Variants in KARS1 observed in about 807,000 individuals in gnomAD.
KARS1 encodes the protein lysyl-tRNA synthetase 1, also known as lysine--tRNA ligase.
In KARS1, 50 loss-of-function variants were observed where a neutral mutation model predicts 63.9. The ratio of observed to expected loss-of-function variants is 0.78; its 90% CI spans 0.62 to 0.99. The LOEUF (loss-of-function observed/expected upper bound fraction) is 0.99. KARS1 is among the 50% of genes least tolerant of loss of function. The pLI is 0.00. For synonymous variants in KARS1, 320 were observed against 264.6 expected (o/e 1.21, Z -2.03); for missense variants, 816 against 754.5 (o/e 1.08, Z -0.95).
intron 2 of KARS1, among the ~76,000 whole-genome samples, chr16:75,641,245 T>C (rs538327640): frequency 2.0e-5 from 3 of 152,232 alleles, no homozygotes; most frequent in Non-Finnish European, 2.9e-5. Context: ...TGGTGGACTG[T>C]AGTTGGCCAG....
chr16:75,628,519 C>T, intron 13 of KARS1, 50 bp downstream of exon 13: 2 of 1,608,170 alleles, frequency 1.2e-6, no homozygotes, highest in Non-Finnish European at 1.7e-6. Context: ...CTGGCTCCAA[C>T]ACAATGCAGC....
intron 1 of KARS1, among the ~76,000 whole-genome samples, chr16:75,643,849 G>GT (rs1178470667): frequency 6.6e-6 from 1 of 152,204 alleles, no homozygotes; most frequent in African/African-American, 2.4e-5. Flanking sequence ...AGGCTGTCTA[G>GT]TTCTTCTAGA....
At chr16:75,645,045 T>C (rs1369837165) in intron 1 of KARS1, among the ~76,000 whole-genome samples, 3 of 152,222 alleles carry the variant, frequency 2.0e-5, no homozygotes, top group African/African-American at 4.8e-5. Context: ...GAGATCACCT[T>C]CTTTACCGTG....
At chr16:75,646,726 A>G (rs2082288659) in intron 1 of KARS1, among the ~76,000 whole-genome samples, 2 of 151,078 alleles carry the variant, frequency 1.3e-5, no homozygotes, top group African/African-American at 4.9e-5. Flanking sequence ...AGCACACTGC[A>G]ACCTCCGCCT....
chr16:75,647,598 G>C lies in KARS1; in HGVS notation c.42C>G (p.Ser14Arg). Residue 14 changes from serine (S) to arginine (R), a missense_variant, in exon 1 of 14, where the codon AGC becomes AGG. Coordinates refer to ENST00000302445, the MANE Select transcript of KARS1 (RefSeq NM_005548.3). Reference protein sequence around the residue: ...VQAAEVKVDGSEPKLSKNELK... With the variant: ...VQAAEVKVDGREPKLSKNELK... ...CTCACTTCTTGCTCAGTTTCGGCTC[G>C]CTGCCATCCACTTTCACCTCGGCCG... The C allele has an allele frequency of 6.2e-7, 1 of 1,612,926 alleles. No homozygotes were observed. The highest frequency in any genetic ancestry group is 8.5e-7 in the Non-Finnish European group (1 of 1,179,696).
In KARS1 at chr16:75,640,280, T is replaced by C. The variant is rs1225682325; in HGVS notation, c.292A>G (p.Lys98Glu). The change falls in exon 3 of 14, where the codon AAG (lysine) becomes GAG (glutamate). Residue 98 changes from lysine (K) to glutamate (E), a missense_variant. Coordinates refer to ENST00000302445, the MANE Select transcript of KARS1 (RefSeq NM_005548.3). ...KVNGEDPYPH[K>E]FHVDISLTDF... ...GTGAGTGAGATGTCTACATGGAACT[T>C]GTGTGGGTATGGGTCTTCCCCATTG... is the stretch of plus-strand genomic sequence containing the variant. 1.2e-6 allele frequency: 2 copies of C among 1,613,748 alleles called. No homozygotes were observed. The highest frequency in any genetic ancestry group is 8.5e-7 in the Non-Finnish European group (1 of 1,179,914).
At position 75,634,228 on chromosome 16, in the gene KARS1, T is replaced by A. The variant is rs1239203660; in HGVS notation, c.860A>T (p.His287Leu). ...ATATAAGTTCATGTCCAGCTCGTTG[T>A]GATAAGTGATGAAAGGCTTGGCCAC... ...GAVAKPFITY[H>L]NELDMNLYMR... The change falls in exon 7 of 14, where the codon CAC (histidine) becomes CTC (leucine). Residue 287 changes from histidine to leucine, a missense_variant. His to Leu is a moderately conservative substitution (Grantham distance 99). Transcript: ENST00000302445. 7 of 1,613,970 alleles carry A rather than the reference T, an allele frequency of 4.3e-6. No homozygotes were observed. Among genetic ancestry groups the A allele is most frequent in the Non-Finnish European group, 5.9e-6 (7 of 1,179,924 alleles).
chr16:75,646,539 TA>T (rs781087516), intron 1 of KARS1, among the ~76,000 whole-genome samples: 534 of 136,938 alleles, frequency 3.9e-3, no homozygotes, highest in Middle Eastern at 7.5e-3. Flanking sequence ...GACTCCATCT[TA>T]AAAAAAAAAA....
At chr16:75,641,459 C>A (rs2082222538) in intron 2 of KARS1, 105 bp downstream of exon 2, 3 of 950,726 alleles carry the variant, frequency 3.2e-6, no homozygotes, top group Non-Finnish European at 4.9e-6. Context: ...TGGCAGTGAC[C>A]TCAGGCGTAC....
At chr16:75,634,111 T>A (rs780722583) in intron 7 of KARS1, 62 bp downstream of exon 7, 1 of 1,566,946 alleles carries the variant, frequency 6.4e-7, no homozygotes, top group Admixed American at 1.7e-5. Context: ...TATACCCATC[T>A]AGCCAGTGGT....
chr16:75,641,760 C>T (rs2082227854), intron 1 of KARS1, 37 bp from the exon 2 acceptor site: 1 of 1,607,030 alleles, frequency 6.2e-7, no homozygotes, highest in Admixed American at 1.7e-5. Context: ...GTGTTAGCTG[C>T]CTGAAGAGTC....
In KARS1 at chr16:75,643,379, CTTT is replaced by C. The variant is rs764979861; in HGVS notation, c.63-1659_63-1657del. Among the ~76,000 whole-genome samples, 15 of 140,996 alleles carry C rather than the reference CTTT, an allele frequency of 1.1e-4. 1 individual carries two copies. The highest frequency in any genetic ancestry group is 7.1e-4 in the Admixed American group (10 of 14,140). 92.5% of individuals were successfully genotyped at this position (140,996 alleles called of 152,430 possible). A position where few individuals can be genotyped will look rare whatever the true frequency, so the allele number is the denominator to read the frequency against. ...TGAATTGAGGTTTTGAATCTTTCAC[CTTT>C]TTTTTTTTTTTTTGAGACAGAGTCT... On this transcript the variant is annotated intron_variant, in intron 1 of 13. Coordinates refer to ENST00000302445, the MANE Select transcript of KARS1 (RefSeq NM_005548.3).
chr16:75,637,170 A>G (rs977532846), intron 3 of KARS1, among the ~76,000 whole-genome samples: 3 of 152,170 alleles, frequency 2.0e-5, no homozygotes, highest in African/African-American at 7.2e-5. Context: ...ATAAAAATAG[A>G]AAGCACAGCT....
chr16:75,628,016 T>G, intron 13 of KARS1, 23 bp from the exon 14 acceptor site: 3 of 1,400,782 alleles, frequency 2.1e-6, no homozygotes, highest in Non-Finnish European at 3.0e-6. Context: ...AGAATGTACC[T>G]TGAAGCTGAG....
At chr16:75,643,204 A>G (rs556475801) in intron 1 of KARS1, among the ~76,000 whole-genome samples, 1 of 152,202 alleles carries the variant, frequency 6.6e-6, no homozygotes, top group African/African-American at 2.4e-5. Context: ...TTCAAAGACA[A>G]TTTATGGATC....
At chr16:75,632,869 C>T (rs1051145309) in intron 7 of KARS1, among the ~76,000 whole-genome samples, 1 of 152,296 alleles carries the variant, frequency 6.6e-6, no homozygotes, top group African/African-American at 2.4e-5. Flanking sequence ...CGAAAGGTTA[C>T]GTAGCTTGTA....
At chr16:75,638,251 A>C (rs893275704) in intron 3 of KARS1, among the ~76,000 whole-genome samples, 2 of 151,702 alleles carry the variant, frequency 1.3e-5, no homozygotes, top group Non-Finnish European at 2.9e-5. Context: ...AAGTTCTGGG[A>C]CACATGTGCA....
chr16:75,646,087 A>C (rs770776689), intron 1 of KARS1, among the ~76,000 whole-genome samples: 2 of 152,220 alleles, frequency 1.3e-5, no homozygotes, highest in African/African-American at 2.4e-5. Flanking sequence ...ATTTTCTCTA[A>C]GGTAGCAGTC....
rs768628296 is a variant in KARS1 at position 75,629,533 on chromosome 16, G to A, written c.1433C>T (p.Ser478Phe). 8 of 1,614,092 alleles carry A rather than the reference G, an allele frequency of 5.0e-6. No homozygotes were observed. Among genetic ancestry groups the A allele is most frequent in the Non-Finnish European group, 6.8e-6 (8 of 1,179,972 alleles). Residue 478 changes from serine (S) to phenylalanine (F), a missense_variant, in exon 12 of 14, where the codon TCT becomes TTT. By Grantham distance (155) the Ser-to-Phe change is radical (BLOSUM62 -2). Coordinates refer to ENST00000302445, the MANE Select transcript of KARS1 (RefSeq NM_005548.3). ...IMSPLAKWHR[S>F]KEGLTERFEL... ...AAAGCGCTCAGTCAGACCCTCTTTAGAGCGGTGCCTAGGGACAGGAGACCA... is the reference window on the plus strand; with the variant it reads ...AAAGCGCTCAGTCAGACCCTCTTTAAAGCGGTGCCTAGGGACAGGAGACCA...
Sources: gnomAD v4.1 joint callset for allele counts (sites outside exome capture counted in the v4.1 genomes callset) on GRCh38, gnomAD v4.1.1 for gene constraint, MANE v1.5 for transcripts, NCBI Gene and HGNC (gene_info 2026-07-23, HGNC 2026-07-21) for gene names.